Variants in MBP observed in about 807,000 individuals in gnomAD.
MBP encodes Golli-MBP.
A neutral mutation model predicts 35.8 loss-of-function variants in MBP; 16 were observed. That is an observed-to-expected ratio of 0.45 (90% CI 0.30 to 0.68). MBP has a LOEUF of 0.68. Among genes scored for constraint, MBP ranks in the 30% least tolerant of loss-of-function variants. The probability of loss-of-function intolerance (pLI) is 0.08; values close to 1 mark genes in which losing one functional copy is unlikely to be tolerated. For synonymous variants in MBP, 143 were observed against 159.6 expected, an observed-to-expected ratio of 0.90 and a Z score of 0.78; for missense variants, 380 against 404.7, an observed-to-expected ratio of 0.94 and a Z score of 0.52.
In MBP at chr18:77,017,229, T is replaced by C; in HGVS notation, c.179A>G (p.Gln60Arg). ...DANQNNGTSS[Q>R]DTAVTDSKRT... The stretch of plus-strand genomic sequence containing the variant: ...CTTGGAGTCAGTCACCGCTGTGTCC[T>C]GAGAGGAGGTCCCATTGTTCTGGTT... The change falls in exon 4 of 9, where the codon CAG (glutamine) becomes CGG (arginine). Residue 60 changes from glutamine to arginine, a missense_variant. Coordinates refer to ENST00000355994, the MANE Select transcript of MBP (RefSeq NM_001025101.2). 1 of 1,517,690 alleles carries C rather than the reference T, an allele frequency of 6.6e-7. No homozygotes were observed. The highest frequency in any genetic ancestry group is 8.8e-7 in the Non-Finnish European group (1 of 1,134,162). 94.0% of individuals were successfully genotyped at this position (1,517,690 alleles called of 1,614,324 possible). A position where few individuals can be genotyped will look rare whatever the true frequency, so the allele number is the denominator to read the frequency against.
chr18:77,112,092 T>C (rs1451292344), intron 1 of MBP, among the ~76,000 whole-genome samples: 1 of 152,098 alleles, frequency 6.6e-6, no homozygotes, highest in Non-Finnish European at 1.5e-5. Flanking sequence ...AAAGTATGAT[T>C]GTAACACTCT....
At chr18:77,072,035 A>G (rs1032754858) in intron 2 of MBP, among the ~76,000 whole-genome samples, 6 of 152,124 alleles carry the variant, frequency 3.9e-5, no homozygotes, top group Admixed American at 3.9e-4. Context: ...AACAAAACAA[A>G]CAAAAAAGCC....
At chr18:77,079,183 C>A (rs1974784387) in intron 2 of MBP, among the ~76,000 whole-genome samples, 1 of 152,232 alleles carries the variant, frequency 6.6e-6, no homozygotes, top group African/African-American at 2.4e-5. Context: ...CCAGGGGTAG[C>A]AGGCCTAGGA....
At chr18:77,098,799 A>T (rs1335903038) in intron 2 of MBP, among the ~76,000 whole-genome samples, 6 of 152,240 alleles carry the variant, frequency 3.9e-5, no homozygotes, top group Non-Finnish European at 7.3e-5. Flanking sequence ...CACCGGCCCT[A>T]AACGGCCTCT....
intron 4 of MBP, among the ~76,000 whole-genome samples, chr18:77,011,589 C>T (rs1162096871): frequency 1.3e-5 from 2 of 152,192 alleles, no homozygotes; most frequent in African/African-American, 4.8e-5. Context: ...GTAACCCCGG[C>T]TGCCTGCCAC....
At chr18:77,019,462 C>T (rs1971897846) in intron 3 of MBP, among the ~76,000 whole-genome samples, 1 of 139,362 alleles carries the variant, frequency 7.2e-6, no homozygotes, top group South Asian at 2.2e-4. Flanking sequence ...CTACAAACCT[C>T]AGAACACCAA....
intron 3 of MBP, among the ~76,000 whole-genome samples, chr18:77,047,302 T>A (rs1288875627): frequency 6.6e-6 from 1 of 152,204 alleles, no homozygotes; most frequent in African/African-American, 2.4e-5. Flanking sequence ...TATCCTCCTG[T>A]CGTAAGGAGG....
chr18:77,071,780 A>C (rs1225295810), intron 2 of MBP, among the ~76,000 whole-genome samples: 1 of 152,168 alleles, frequency 6.6e-6, no homozygotes, highest in Non-Finnish European at 1.5e-5. Flanking sequence ...TCAAAAATAA[A>C]GCTAGAGAAG....
chr18:76,981,772 T>A (rs1358726854), intron 8 of MBP: 1 of 152,232 alleles, frequency 6.6e-6, no homozygotes, highest in Non-Finnish European at 1.5e-5. Flanking sequence ...CGTGGGTTTT[T>A]CCTGTTTGAT....
rs532639151 is a variant in MBP, at chr18:77,086,910, C to G, written c.51+18301G>C. On this transcript the variant is annotated intron_variant, in intron 2 of 8. Coordinates refer to ENST00000355994, the MANE Select transcript of MBP (RefSeq NM_001025101.2). ...CGCTCCTCTAATGTTCTCCAGACAC[C>G]ACGTCATAGTTCACTTCGAAACGCA... is the stretch of plus-strand genomic sequence containing the variant. Among the ~76,000 whole-genome samples the G allele has an allele frequency of 3.3e-5, 5 of 152,276 alleles. No individual in the cohort carries two copies. In the Middle Eastern group the frequency reaches 0.017, roughly 518 times the overall value.
intron 3 of MBP, among the ~76,000 whole-genome samples, chr18:77,035,315 G>C (rs1233467658): frequency 6.6e-6 from 1 of 152,208 alleles, no homozygotes; most frequent in African/African-American, 2.4e-5. Flanking sequence ...TATCACCACT[G>C]TACGCCCTTT....
At chr18:77,082,070 T>C (rs1036968390) in intron 2 of MBP, among the ~76,000 whole-genome samples, 3 of 151,460 alleles carry the variant, frequency 2.0e-5, no homozygotes, top group South Asian at 2.1e-4. Context: ...GCCGGGATGG[T>C]TTCGATCTCC....
rs1364843415 is a variant in MBP, at chr18:77,091,468, A to G, written c.51+13743T>C. On this transcript the variant is annotated intron_variant, in intron 2 of 8. Coordinates refer to ENST00000355994, the MANE Select transcript of MBP (RefSeq NM_001025101.2). ...ATTAGATTAATACAGACATCAAACT[A>G]CAGTGAAGAGAATGACAGGTAGGAA... Among the ~76,000 whole-genome samples the G allele has an allele frequency of 2.6e-5, 4 of 152,202 alleles. No homozygotes were observed. The East Asian group carries it at 5.8e-4, about 22-fold the overall frequency.
intron 4 of MBP, among the ~76,000 whole-genome samples, chr18:76,992,715 C>G (rs928235232): frequency 1.3e-5 from 2 of 152,192 alleles, no homozygotes; most frequent in Non-Finnish European, 2.9e-5. Flanking sequence ...CTGTGGCCGC[C>G]CTTGCCTGCA....
intron 2 of MBP, among the ~76,000 whole-genome samples, chr18:77,078,086 C>A (rs577469652): frequency 6.6e-6 from 1 of 152,332 alleles, no homozygotes; most frequent in Admixed American, 6.5e-5. Flanking sequence ...AGGACAGTCA[C>A]CTGCTCTAAC....
Position 77,131,077 on chromosome 18 carries a change from A to ACG in MBP, c.-26+1501_-26+1502dup, listed in dbSNP as rs1171187668. ...AAAAACAAAACACACACACGCGCGC[A>ACG]CGCACGCGCACACACACACACACAC... On this transcript the variant is annotated intron_variant, in intron 1 of 8. Coordinates refer to ENST00000355994, the MANE Select transcript of MBP (RefSeq NM_001025101.2). This position sits in a 1 kb window ranked among gnomAD's most constrained non-coding sequence, Gnocchi z 5.5. 7.5e-6 allele frequency among the ~76,000 whole-genome samples: 1 copy of ACG among 133,048 alleles called. No homozygotes were observed. Among genetic ancestry groups the ACG allele is most frequent in the East Asian group, 2.2e-4 (1 of 4,518 alleles). The allele number at this position is 133,048 out of a possible 152,430, so 87.3% of individuals were successfully genotyped here.
At chr18:76,998,364 C>T (rs1235072187) in intron 4 of MBP, among the ~76,000 whole-genome samples, 2 of 152,356 alleles carry the variant, frequency 1.3e-5, no homozygotes, top group East Asian at 1.9e-4. Context: ...TTAGGCTGAA[C>T]GACATCCACG....
At position 77,102,084 on chromosome 18, in the gene MBP, C is replaced by T. The variant is rs537848161; in HGVS notation, c.51+3127G>A. On this transcript the variant is annotated intron_variant, in intron 2 of 8. Transcript: ENST00000355994. The surrounding 1 kb of genome is among the most constrained non-coding windows in gnomAD (Gnocchi z 4.4). ...CAGGATCTGTATCAGAGCACTCAGC[C>T]GCAGGCTCTATGACAGCAGAGGAAA... Among the ~76,000 whole-genome samples, 103 of 151,944 alleles carry T rather than the reference C, an allele frequency of 6.8e-4. No individual in the cohort carries two copies. The highest frequency in any genetic ancestry group is 2.2e-3 in the African/African-American group (91 of 41,404).
intron 3 of MBP, 168 bp from the exon 4 acceptor site, chr18:77,017,436 C>T (rs1971714779): frequency 4.3e-6 from 2 of 470,160 alleles, no homozygotes; most frequent in East Asian, 3.4e-5. Context: ...GATGGAGCAG[C>T]CTTATTGCAG....
Sources: gnomAD v4.1 joint callset for allele counts (sites outside exome capture counted in the v4.1 genomes callset) on GRCh38, gnomAD v4.1.1 for gene constraint, Gnocchi (gnomAD v3.1) non-coding constraint, MANE v1.5 for transcripts, NCBI Gene and HGNC (gene_info 2026-07-23, HGNC 2026-07-21) for gene names.